Variants in CORIN observed in about 807,000 individuals in gnomAD.
CORIN encodes atrial natriuretic peptide-converting enzyme.
Under a neutral mutation model 125.3 loss-of-function variants are expected in CORIN, and 117 were observed. That is an observed-to-expected ratio of 0.93 (90% CI 0.80 to 1.09). The LOEUF (loss-of-function observed/expected upper bound fraction) is 1.09. Ranked by LOEUF, CORIN falls within the 50% of genes least tolerant of loss-of-function variation. The pLI is 0.00. For missense variants in CORIN, 1,253 were observed against 1,306.7 expected, an observed-to-expected ratio of 0.96 and a Z score of 0.63; for synonymous variants, 450 against 466.4, an observed-to-expected ratio of 0.96 and a Z score of 0.45.
intron 4 of CORIN, among the ~76,000 whole-genome samples, chr4:47,754,183 G>C (rs1378469881): frequency 6.6e-6 from 1 of 152,204 alleles, no homozygotes; most frequent in Non-Finnish European, 1.5e-5. Context: ...TTATATGACA[G>C]TATCTTACCT....
At chr4:47,633,190 G>A (rs979392678) in intron 16 of CORIN, among the ~76,000 whole-genome samples, 1 of 152,126 alleles carries the variant, frequency 6.6e-6, no homozygotes, top group African/African-American at 2.4e-5. Flanking sequence ...TCAAAGCAAA[G>A]GGGGGAGGTT....
intron 16 of CORIN, among the ~76,000 whole-genome samples, chr4:47,641,243 G>A (rs73238620): frequency 9.9e-5 from 15 of 152,200 alleles, no homozygotes; most frequent in Non-Finnish European, 1.9e-4. Context: ...GAACTCCTTT[G>A]TCTTCAATTT....
intron 5 of CORIN, among the ~76,000 whole-genome samples, chr4:47,708,354 A>G (rs189058517): frequency 3.3e-4 from 50 of 152,288 alleles, no homozygotes; most frequent in African/African-American, 1.1e-3. Flanking sequence ...GTTTGATCTT[A>G]GGGCTGTCAT....
intron 5 of CORIN, among the ~76,000 whole-genome samples, chr4:47,693,309 G>A (rs916579439): frequency 1.3e-5 from 2 of 152,178 alleles, no homozygotes; most frequent in African/African-American, 2.4e-5. Flanking sequence ...GAAAGCAGGA[G>A]ATAGTTCACC....
intron 2 of CORIN, among the ~76,000 whole-genome samples, chr4:47,790,889 A>C (rs1239576694): frequency 6.6e-6 from 1 of 151,786 alleles, no homozygotes; most frequent in Non-Finnish European, 1.5e-5. Flanking sequence ...GTCTGGCTCA[A>C]AAGTGTTTCA....
At chr4:47,666,021 C>T (rs1274312284) in intron 10 of CORIN, among the ~76,000 whole-genome samples, 1 of 152,122 alleles carries the variant, frequency 6.6e-6, no homozygotes, top group East Asian at 1.9e-4. Flanking sequence ...ATTATCTCCC[C>T]AAAGGTGGTC....
In CORIN at chr4:47,817,031, C is replaced by A. The variant is rs146921582; in HGVS notation, c.64-9984G>T. Among the ~76,000 whole-genome samples, 84 of 152,250 alleles carry A rather than the reference C, an allele frequency of 5.5e-4. 2 individuals are homozygous for A. In the East Asian group the frequency reaches 0.013, roughly 23 times the overall value. On this transcript the variant is annotated intron_variant, in intron 1 of 21. Coordinates refer to ENST00000273857, the MANE Select transcript of CORIN (RefSeq NM_006587.4). ...GATACAAGGCACAGCCCTAAGTAAGCAAACTGTTACCCTTCCTATAGGCAT... is the reference window on the plus strand; with the variant it reads ...GATACAAGGCACAGCCCTAAGTAAGAAAACTGTTACCCTTCCTATAGGCAT...
chr4:47,691,402 C>G (rs540961137), intron 6 of CORIN, among the ~76,000 whole-genome samples: 2 of 152,248 alleles, frequency 1.3e-5, no homozygotes, highest in African/African-American at 4.8e-5. Context: ...AAATACACAG[C>G]CTACAAAAAT....
chr4:47,616,740 CTT>C (rs1722081801), intron 19 of CORIN, among the ~76,000 whole-genome samples: 1 of 152,020 alleles, frequency 6.6e-6, no homozygotes, highest in South Asian at 2.1e-4. Flanking sequence ...GTAGGAAACT[CTT>C]TTAGGAATTT....
intron 16 of CORIN, among the ~76,000 whole-genome samples, chr4:47,638,326 G>C (rs1258491397): frequency 1.3e-5 from 2 of 152,186 alleles, no homozygotes; most frequent in Non-Finnish European, 2.9e-5. Flanking sequence ...GACTTTGGGG[G>C]ACTACTGGGA....
At chr4:47,754,440 C>G (rs940691203) in intron 4 of CORIN, among the ~76,000 whole-genome samples, 1 of 152,076 alleles carries the variant, frequency 6.6e-6, no homozygotes, top group Non-Finnish European at 1.5e-5. Flanking sequence ...GTAACAGCAA[C>G]AGTGCTCATC....
chr4:47,663,306 T>A lies in CORIN; in HGVS notation c.1590-1450A>T, dbSNP rs1286179465. ...TTTAGCCCATTGTAAGGACTCGATG[T>A]TAGATTTTTCAGTCTCATAGCTAAA... On this transcript the variant is annotated intron_variant, in intron 11 of 21. Transcript: ENST00000273857. Among the ~76,000 whole-genome samples, 6 of 152,172 alleles carry A rather than the reference T, an allele frequency of 3.9e-5. No individual in the cohort carries two copies. In the East Asian group the frequency reaches 1.2e-3, roughly 29 times the overall value.
intron 2 of CORIN, among the ~76,000 whole-genome samples, chr4:47,804,138 A>T (rs967335273): frequency 6.6e-6 from 1 of 152,230 alleles, no homozygotes; most frequent in African/African-American, 2.4e-5. Flanking sequence ...AGAAATGCAA[A>T]TCAAAACTAC....
chr4:47,666,354 G>C (rs776402561), intron 10 of CORIN, among the ~76,000 whole-genome samples: 1 of 152,192 alleles, frequency 6.6e-6, no homozygotes, highest in Non-Finnish European at 1.5e-5. Context: ...ACCTAGCACA[G>C]TGCCAGAATG....
At chr4:47,668,508 T>C (rs1035781793) in intron 10 of CORIN, among the ~76,000 whole-genome samples, 2 of 152,244 alleles carry the variant, frequency 1.3e-5, no homozygotes, top group East Asian at 3.8e-4. Flanking sequence ...AGTCAGCACA[T>C]GCAGCTCTAA....
Position 47,687,069 on chromosome 4 carries a change from C to G in CORIN, c.914-3231G>C, listed in dbSNP as rs187981964. Among the ~76,000 whole-genome samples, 187 of 152,140 alleles carry G rather than the reference C, an allele frequency of 1.2e-3. 2 individuals are homozygous for G. The highest frequency in any genetic ancestry group is 4.2e-3 in the African/African-American group (173 of 41,500). On this transcript the variant is annotated intron_variant, in intron 6 of 21. Transcript: ENST00000273857. ...AGGATTCAGGCATTTTTTAAAAATC[C>G]TCATTGTTCTCCCAGGTGTGGATTC...
Position 47,799,496 on chromosome 4 carries a change from T to C in CORIN, c.208+7407A>G, listed in dbSNP as rs183425777. ...GGTATCTCACTGTGGTTTTGATTTG[T>C]ATCTCTCTGATGATTAGTGATGTTG... is the stretch of plus-strand genomic sequence containing the variant. On this transcript the variant is annotated intron_variant, in intron 2 of 21. Transcript: ENST00000273857. Among the ~76,000 whole-genome samples, 4 of 152,254 alleles carry C rather than the reference T, an allele frequency of 2.6e-5. No individual in the cohort carries two copies. The East Asian group carries it at 7.7e-4, about 29-fold the overall frequency.
intron 5 of CORIN, chr4:47,706,356 C>T: frequency 6.3e-7 from 1 of 1,581,248 alleles, no homozygotes; most frequent in Non-Finnish European, 8.7e-7. Context: ...TGGCGGCAGC[C>T]ATCAGGTAAG....
chr4:47,605,614 A>C (rs1721617698), intron 19 of CORIN, among the ~76,000 whole-genome samples: 1 of 152,086 alleles, frequency 6.6e-6, no homozygotes, highest in African/African-American at 2.4e-5. Flanking sequence ...GGAGCTTGTG[A>C]TCAAATCAAC....
Sources: allele counts gnomAD v4.1 joint callset (sites outside exome capture counted in the v4.1 genomes callset), GRCh38; gene constraint gnomAD v4.1.1; transcripts MANE v1.5; gene names NCBI Gene and HGNC (gene_info 2026-07-23, HGNC 2026-07-21).